TMX2: variants seen among roughly 807,000 people sequenced by gnomAD.
TMX2 encodes the protein thioredoxin-related transmembrane protein 2.
TMX2 carries 20 observed loss-of-function variants against 33.4 expected under a neutral mutation model. The ratio of observed to expected loss-of-function variants is 0.60; its 90% CI spans 0.42 to 0.87. The LOEUF is 0.87. TMX2 is among the 40% of genes least tolerant of loss of function. The probability of loss-of-function intolerance (pLI) is 0.00; values close to 1 mark genes in which losing one functional copy is unlikely to be tolerated. For synonymous variants in TMX2, 166 were observed against 140.7 expected (o/e 1.18, Z -1.27); for missense variants, 340 against 370.7 (o/e 0.92, Z 0.68).
intron 1 of TMX2, among the ~76,000 whole-genome samples, chr11:57,733,473 T>G (rs1948531850): frequency 6.6e-6 from 1 of 152,000 alleles, no homozygotes; most frequent in Non-Finnish European, 1.5e-5. Context: ...GCCAGGCTGG[T>G]CTTGAATTCC....
At chr11:57,718,909 C>G (rs1947363778) in intron 1 of TMX2, among the ~76,000 whole-genome samples, 1 of 151,664 alleles carries the variant, frequency 6.6e-6, no homozygotes, top group South Asian at 2.1e-4. Context: ...CCCGCCTTGG[C>G]CTCCCAAAGT....
At chr11:57,730,287 C>A (rs1251557536) in intron 1 of TMX2, among the ~76,000 whole-genome samples, 1 of 150,428 alleles carries the variant, frequency 6.6e-6, no homozygotes, top group Non-Finnish European at 1.5e-5. Flanking sequence ...ATTAGCCAGC[C>A]ATGGTGGTGG....
intron 3 of TMX2, 107 bp downstream of exon 3, chr11:57,738,133 C>T (rs982321352): frequency 6.7e-6 from 6 of 898,994 alleles, no homozygotes; most frequent in Non-Finnish European, 1.0e-5. Context: ...CATGTTTCTC[C>T]ATACCCTTCT....
intron 7 of TMX2, 61 bp downstream of exon 7, chr11:57,739,321 C>T: frequency 6.3e-7 from 1 of 1,593,402 alleles, no homozygotes; most frequent in Non-Finnish European, 8.6e-7. Flanking sequence ...CTTTCAAGCC[C>T]TACCCGGGTT....
rs745401224 is a variant in TMX2 at position 57,734,114 on chromosome 11, G to A, written c.190-3494G>A. Among the ~76,000 whole-genome samples the A allele has an allele frequency of 2.0e-4, 25 of 123,438 alleles. 1 individual carries two copies. The highest frequency in any genetic ancestry group is 2.9e-4 in the South Asian group (1 of 3,448). 81.0% of individuals were successfully genotyped at this position (123,438 alleles called of 152,430 possible). ...GTGAACCTGGGAGGCGGAGGAGACC[G>A]CGCCACTGTACTCCAGCCTGGGTGA... On this transcript the variant is annotated intron_variant, in intron 1 of 7. Coordinates refer to ENST00000278422, the MANE Select transcript of TMX2 (RefSeq NM_015959.4).
intron 1 of TMX2, among the ~76,000 whole-genome samples, chr11:57,716,463 C>T (rs1405774534): frequency 5.9e-5 from 8 of 134,464 alleles, no homozygotes; most frequent in African/African-American, 1.4e-4. Context: ...ACCTCCCTCC[C>T]GGACGGGGCG....
intron 1 of TMX2, 81 bp downstream of exon 1, chr11:57,712,888 C>G (rs1946709288): frequency 6.7e-6 from 10 of 1,497,888 alleles, no homozygotes; most frequent in Non-Finnish European, 9.2e-6. Context: ...TGGGGTTTAC[C>G]TCTCTGAGGA....
In TMX2 at chr11:57,738,014, A is replaced by T. The variant is rs765437025; in HGVS notation, c.352A>T (p.Thr118Ser). 161 of 1,611,684 alleles carry T rather than the reference A, an allele frequency of 1.0e-4. No individual in the cohort carries two copies. The highest frequency in any genetic ancestry group is 1.3e-4 in the Non-Finnish European group (152 of 1,178,908). The change falls in exon 3 of 8, where the codon ACA becomes TCA. Residue 118 changes from threonine (T) to serine (S), a missense_variant. This residue lies in a region of TMX2 where 209 missense variants were observed against 241.6 expected (regional missense o/e 0.87). Transcript: ENST00000278422. Reference sequence around the variant, plus strand: ...TATTCGCATGGGCCTACTTTACATCACACTCTGCATAGGTGAGGAGACTGC... The same window carrying T: ...TATTCGCATGGGCCTACTTTACATCTCACTCTGCATAGGTGAGGAGACTGC... ...LDIRMGLLYI[T>S]LCIVFLMTCK... is the part of the protein sequence containing the mutation.
chr11:57,732,353 C>T (rs1948455766), intron 1 of TMX2, among the ~76,000 whole-genome samples: 1 of 152,142 alleles, frequency 6.6e-6, no homozygotes, highest in African/African-American at 2.4e-5. Flanking sequence ...TTTTTTTCCT[C>T]TTTCCTTTTC....
chr11:57,719,364 T>A (rs1947415761), intron 1 of TMX2, among the ~76,000 whole-genome samples: 1 of 151,570 alleles, frequency 6.6e-6, no homozygotes, highest in Non-Finnish European at 1.5e-5. Context: ...GGCTTTCTGC[T>A]TTTTCTCTTT....
intron 1 of TMX2, among the ~76,000 whole-genome samples, chr11:57,716,142 C>G: frequency 6.6e-6 from 1 of 152,054 alleles, no homozygotes; most frequent in Non-Finnish European, 1.5e-5. Flanking sequence ...GGGCTCCTCA[C>G]TTCCTAGTAG....
At position 57,740,246 on chromosome 11, in the gene TMX2, G is replaced by C; in HGVS notation, c.*1G>C. On this transcript the variant is annotated 3_prime_UTR_variant, in exon 8 of 8. Transcript: ENST00000278422. Reference sequence around the variant, plus strand: ...TGGGGAAAACAAGAAGGATAAATAAGATCCTCACTTTGGCAGTGCTTCCTC... The same window carrying C: ...TGGGGAAAACAAGAAGGATAAATAACATCCTCACTTTGGCAGTGCTTCCTC... 1 of 1,589,462 alleles carries C rather than the reference G, an allele frequency of 6.3e-7. No individual in the cohort carries two copies. Among genetic ancestry groups the C allele is most frequent in the Non-Finnish European group, 8.6e-7 (1 of 1,169,070 alleles).
intron 1 of TMX2, among the ~76,000 whole-genome samples, chr11:57,716,169 G>A (rs1946990922): frequency 6.6e-6 from 1 of 151,818 alleles, no homozygotes; most frequent in Admixed American, 6.5e-5. Flanking sequence ...CCGGGCAGAG[G>A]CGCCCCTCAC....
At chr11:57,733,966 C>A (rs775076471) in intron 1 of TMX2, among the ~76,000 whole-genome samples, 4 of 151,792 alleles carry the variant, frequency 2.6e-5, no homozygotes, top group Non-Finnish European at 4.4e-5. Flanking sequence ...GTCAGTAGAT[C>A]GAGACCATCC....
intron 1 of TMX2, among the ~76,000 whole-genome samples, chr11:57,714,670 T>G (rs1393054640): frequency 6.6e-6 from 1 of 152,178 alleles, no homozygotes; most frequent in East Asian, 1.9e-4. Flanking sequence ...CATGGCTCAC[T>G]GTAGTCTTAA....
At chr11:57,730,956 CTTTAATA>C (rs1565226865) in intron 1 of TMX2, among the ~76,000 whole-genome samples, 1 of 145,598 alleles carries the variant, frequency 6.9e-6, no homozygotes, top group African/African-American at 2.6e-5. Flanking sequence ...AGAGATTAGT[CTTTAATA>C]TTTAAAAAAT....
At chr11:57,740,039 C>T (rs932788327) in intron 7 of TMX2, 60 bp from the exon 8 acceptor site, 6 of 1,609,752 alleles carry the variant, frequency 3.7e-6, no homozygotes, top group Non-Finnish European at 1.7e-6. Context: ...CCTCTTACTT[C>T]CCAGGCTCTT....
chr11:57,727,856 C>G (rs748024713), intron 1 of TMX2, among the ~76,000 whole-genome samples: 3 of 152,220 alleles, frequency 2.0e-5, no homozygotes, highest in Non-Finnish European at 4.4e-5. Context: ...ACTTGGCCTC[C>G]TCAATCCTTT....
chr11:57,727,800 A>T (rs1948100437), intron 1 of TMX2, among the ~76,000 whole-genome samples: 1 of 152,138 alleles, frequency 6.6e-6, no homozygotes, highest in Non-Finnish European at 1.5e-5. Flanking sequence ...ACGATTTACA[A>T]CCTGCTCTCT....
Sources: allele counts gnomAD v4.1 joint callset (sites outside exome capture counted in the v4.1 genomes callset), GRCh38; gene constraint gnomAD v4.1.1; regional missense constraint gnomAD v4.1.1; transcripts MANE v1.5; gene names NCBI Gene and HGNC (gene_info 2026-07-23, HGNC 2026-07-21).